Variants in POLR1A observed in about 807,000 individuals in gnomAD.
POLR1A encodes DNA-directed RNA polymerase I subunit RPA1.
Under a neutral mutation model 205.3 loss-of-function variants are expected in POLR1A, and 84 were observed. That is an observed-to-expected ratio of 0.41 (90% CI 0.34 to 0.49). POLR1A has a LOEUF of 0.49. POLR1A is among the 20% of genes least tolerant of loss of function. The pLI, the probability that POLR1A is intolerant of heterozygous loss-of-function variation, is 0.22. For synonymous variants in POLR1A, 799 were observed against 863.7 expected (o/e 0.93, Z 1.31); for missense variants, 1,645 against 2,204.5 (o/e 0.75, Z 5.08).
Position 86,041,933 on chromosome 2 carries a change from A to G in POLR1A, c.3528T>C (p.Ala1176=). The G allele has an allele frequency of 6.2e-7, 1 of 1,614,178 alleles. No individual in the cohort carries two copies. Among genetic ancestry groups the G allele is most frequent in the Non-Finnish European group, 8.5e-7 (1 of 1,180,020 alleles). Residue 1176 remains alanine (A), a synonymous_variant, in exon 24 of 34, where the codon GCT becomes GCC. Transcript: ENST00000263857. The part of the protein sequence containing the change: ...KVDDYSQEWA[A]QTEKSYEKSE... The stretch of plus-strand genomic sequence containing the variant: ...ATTTCTCATAACTCTTCTCTGTTTG[A>G]GCTGCCCACTCTTGACTGTAGTCAT...
chr2:86,098,934 C>G (rs924688960), intron 2 of POLR1A, among the ~76,000 whole-genome samples, 174 bp from the exon 3 acceptor site: 1 of 151,938 alleles, frequency 6.6e-6, no homozygotes, highest in Non-Finnish European at 1.5e-5. Flanking sequence ...TAAATATTAC[C>G]CTCTATTTTC....
intron 6 of POLR1A, among the ~76,000 whole-genome samples, chr2:86,083,654 T>A (rs1673443560): frequency 6.6e-6 from 1 of 152,252 alleles, no homozygotes. Context: ...CTTAACCATA[T>A]TCTCATAATT....
rs371277805 is a variant in POLR1A at position 86,052,888 on chromosome 2, C to G, written c.2321G>C (p.Ser774Thr). The G allele has an allele frequency of 1.1e-5, 17 of 1,607,816 alleles. No individual in the cohort carries two copies. The highest frequency in any genetic ancestry group is 1.7e-6 in the Non-Finnish European group (2 of 1,177,064). Residue 774 changes from serine (S) to threonine (T), a missense_variant, in exon 16 of 34, where the codon AGC (serine) becomes ACC (threonine). Ser to Thr is a moderately conservative substitution (Grantham distance 58). Coordinates refer to ENST00000263857, the MANE Select transcript of POLR1A (RefSeq NM_015425.6). The stretch of plus-strand genomic sequence containing the variant: ...GGCCAGGCAGGTTAGAACCTTGCCG[C>G]TGGTCTCGCCTCCATAGATCTCATA... Reference protein sequence around the residue: ...CCYEIYGGETSGKVLTCLARL... With the variant: ...CCYEIYGGETTGKVLTCLARL...
chr2:86,027,483 C>G lies in POLR1A; in HGVS notation c.5103G>C (p.Val1701=), dbSNP rs1468829266. 6.2e-7 allele frequency: 1 copy of G among 1,614,090 alleles called. No individual in the cohort carries two copies. The highest frequency in any genetic ancestry group is 8.5e-7 in the Non-Finnish European group (1 of 1,180,044). ...TCCCGCCCCTGACGACCTTCCCGACCACAAGGCAGGCAGAAGGAGACCTCA... is the reference window on the plus strand; with the variant it reads ...TCCCGCCCCTGACGACCTTCCCGACGACAAGGCAGGCAGAAGGAGACCTCA... ...DELRSPSACL[V]VGKVVRGGTG... Residue 1701 remains valine (V), a synonymous_variant, in exon 34 of 34, where the codon GTG becomes GTC. Transcript: ENST00000263857.
rs1481620729 is a variant in POLR1A, at chr2:86,020,384, A to AAAAAAATT, written c.*7031_*7038dup. ...CAACATGGTGAAACCCCGTCTCTACAAAAAAATTAAAAAATTAGCTGGGCA... is the reference window on the plus strand; with the variant it reads ...CAACATGGTGAAACCCCGTCTCTACAAAAAAATTAAAAAATTAAAAAATTAGCTGGGCA... On this transcript the variant is annotated 3_prime_UTR_variant, in exon 34 of 34. Transcript: ENST00000263857. The AAAAAAATT allele has an allele frequency of 6.6e-6, 1 of 151,776 alleles. No homozygotes were observed. The highest frequency in any genetic ancestry group is 1.5e-5 in the Non-Finnish European group (1 of 67,988). The allele number at this position is 151,776 out of a possible 1,614,324, so 9.4% of individuals were successfully genotyped here.
chr2:86,055,507 G>A (rs1348413085), intron 14 of POLR1A, among the ~76,000 whole-genome samples: 1 of 152,214 alleles, frequency 6.6e-6, no homozygotes, highest in African/African-American at 2.4e-5. Flanking sequence ...GCGGTGAGTG[G>A]GGTGAGGGAG....
intron 13 of POLR1A, among the ~76,000 whole-genome samples, 198 bp downstream of exon 13, chr2:86,069,820 C>T (rs1003770483): frequency 2.0e-5 from 3 of 152,202 alleles, no homozygotes; most frequent in South Asian, 2.1e-4. Flanking sequence ...CATTTTACAA[C>T]GCAGCAAAAC....
intron 9 of POLR1A, among the ~76,000 whole-genome samples, chr2:86,080,490 G>A (rs372045324): frequency 4.6e-5 from 7 of 152,126 alleles, no homozygotes; most frequent in Admixed American, 1.3e-4. Flanking sequence ...CTGGTAGCCC[G>A]GAACAGCCTA....
At chr2:86,059,723 C>T (rs1672962828) in intron 14 of POLR1A, among the ~76,000 whole-genome samples, 1 of 152,056 alleles carries the variant, frequency 6.6e-6, no homozygotes, top group African/African-American at 2.4e-5. Flanking sequence ...ACACTACCAC[C>T]CCTGGCTAAT....
Position 86,078,287 on chromosome 2 carries a change from G to A in POLR1A, c.1087-3C>T. The A allele has an allele frequency of 6.4e-7, 1 of 1,559,700 alleles. No individual in the cohort carries two copies. The highest frequency in any genetic ancestry group is 2.3e-5 in the East Asian group (1 of 44,170). On this transcript the variant is annotated splice_region_variant and splice_polypyrimidine_tract_variant and intron_variant, in intron 9 of 33. Coordinates refer to ENST00000263857, the MANE Select transcript of POLR1A (RefSeq NM_015425.6). ...ATAGCAATCAAAGAGTCTTTTTCCTGGAAGATGAAACCAAGAAAACAGGGA... is the reference window on the plus strand; with the variant it reads ...ATAGCAATCAAAGAGTCTTTTTCCTAGAAGATGAAACCAAGAAAACAGGGA...
intron 22 of POLR1A, among the ~76,000 whole-genome samples, chr2:86,043,624 C>G (rs750716005): frequency 3.3e-5 from 5 of 151,908 alleles, no homozygotes; most frequent in Admixed American, 6.6e-5. Context: ...TTTCAGTTTC[C>G]CTATCTGCAA....
intron 8 of POLR1A, 32 bp downstream of exon 8, chr2:86,081,569 T>C (rs1012650255): frequency 5.4e-5 from 74 of 1,378,480 alleles, no homozygotes; most frequent in Non-Finnish European, 7.2e-5. Flanking sequence ...ACGCTTTTTT[T>C]CAGGTGAAAT....
At chr2:86,058,500 T>C (rs532267266) in intron 14 of POLR1A, among the ~76,000 whole-genome samples, 12 of 145,052 alleles carry the variant, frequency 8.3e-5, no homozygotes, top group Non-Finnish European at 1.8e-4. Context: ...CCTCATAAAA[T>C]GGTAAATTTT....
intron 11 of POLR1A, 64 bp from the exon 12 acceptor site, chr2:86,075,324 A>G: frequency 8.6e-7 from 1 of 1,162,164 alleles, no homozygotes; most frequent in Non-Finnish European, 1.3e-6. Context: ...ATGGACCCCA[A>G]ATCTGTCTCA....
chr2:86,077,562 G>A (rs1241596655), intron 11 of POLR1A, among the ~76,000 whole-genome samples: 1 of 152,168 alleles, frequency 6.6e-6, no homozygotes, highest in Non-Finnish European at 1.5e-5. Context: ...CTATGCCGGC[G>A]GGGATGTGGA....
At chr2:86,076,806 G>A (rs145520228) in intron 11 of POLR1A, among the ~76,000 whole-genome samples, 9 of 152,356 alleles carry the variant, frequency 5.9e-5, no homozygotes, top group Admixed American at 2.6e-4. Flanking sequence ...GCCAACAAGG[G>A]TGGCCCCTGC....
At chr2:86,063,561 A>C (rs1240189312) in intron 14 of POLR1A, among the ~76,000 whole-genome samples, 1 of 152,186 alleles carries the variant, frequency 6.6e-6, no homozygotes, top group Non-Finnish European at 1.5e-5. Flanking sequence ...TATTATAAGA[A>C]AATAAAACTA....
chr2:86,085,542 T>C (rs1673488811), intron 6 of POLR1A, among the ~76,000 whole-genome samples: 1 of 152,144 alleles, frequency 6.6e-6, no homozygotes, highest in Admixed American at 6.5e-5. Flanking sequence ...TTTCTGAAAA[T>C]GAGTGTCTGA....
intron 1 of POLR1A, 122 bp downstream of exon 1, chr2:86,105,578 G>A (rs1673911046): frequency 1.5e-6 from 1 of 655,768 alleles, no homozygotes; most frequent in East Asian, 2.8e-5. Context: ...CTCCCAGCAG[G>A]ACAAGCGCCA....
Sources: gnomAD v4.1 joint callset for allele counts (sites outside exome capture counted in the v4.1 genomes callset) on GRCh38, gnomAD v4.1.1 for gene constraint, MANE v1.5 for transcripts, NCBI Gene and HGNC (gene_info 2026-07-23, HGNC 2026-07-21) for gene names.